SGCZ: variants seen among roughly 807,000 people sequenced by gnomAD.
The protein encoded by SGCZ is zeta-sarcoglycan.
SGCZ carries 40 observed loss-of-function variants against 41.3 expected under a neutral mutation model. The observed-to-expected ratio is 0.97, with a 90% confidence interval of 0.75 to 1.26. The LOEUF (loss-of-function observed/expected upper bound fraction) is 1.26, where lower values mean the gene tolerates loss of function less well. SGCZ is among the 50% of genes most tolerant of loss of function. The probability of loss-of-function intolerance (pLI) is 0.00; values close to 1 mark genes in which losing one functional copy is unlikely to be tolerated. For missense variants in SGCZ, 552 were observed against 369.8 expected, an observed-to-expected ratio of 1.49 and a Z score of -4.04; for synonymous variants, 206 against 137.5, an observed-to-expected ratio of 1.50 and a Z score of -3.49.
At chr8:14,670,680 C>T (rs994982824) in intron 1 of SGCZ, among the ~76,000 whole-genome samples, 3 of 152,160 alleles carry the variant, frequency 2.0e-5, no homozygotes, top group African/African-American at 7.2e-5. Flanking sequence ...ACAGAAATAG[C>T]ACTCTCAATG....
In SGCZ at chr8:14,236,575, G is replaced by T. The variant is rs1585262704; in HGVS notation, c.424+1017C>A. Among the ~76,000 whole-genome samples, 4 of 151,486 alleles carry T rather than the reference G, an allele frequency of 2.6e-5. No individual in the cohort carries two copies. The South Asian group carries it at 8.4e-4, about 32-fold the overall frequency. On this transcript the variant is annotated intron_variant, in intron 4 of 7. Transcript: ENST00000382080. The stretch of plus-strand genomic sequence containing the variant: ...GAAATATACATTTGCATTTAAAGAT[G>T]ATTAATTTCTCATTAAAATAAGAAT...
intron 1 of SGCZ, among the ~76,000 whole-genome samples, chr8:14,937,846 T>C (rs1444931311): frequency 6.6e-6 from 1 of 152,150 alleles, no homozygotes; most frequent in Non-Finnish European, 1.5e-5. Flanking sequence ...CAATCAGGAA[T>C]GTTATAAAGG....
At chr8:14,096,382 C>T (rs145005846) in intron 7 of SGCZ, among the ~76,000 whole-genome samples, 6 of 151,488 alleles carry the variant, frequency 4.0e-5, no homozygotes, top group African/African-American at 9.7e-5. Flanking sequence ...ACAAAAACCA[C>T]GGTTATGTGA....
chr8:15,176,253 T>C (rs1799998725), intron 1 of SGCZ, among the ~76,000 whole-genome samples: 1 of 152,132 alleles, frequency 6.6e-6, no homozygotes, highest in Non-Finnish European at 1.5e-5. Context: ...TCTAGGGAAG[T>C]GTTAACGGAA....
At chr8:14,260,189 C>A (rs1281891892) in intron 3 of SGCZ, among the ~76,000 whole-genome samples, 1 of 151,938 alleles carries the variant, frequency 6.6e-6, no homozygotes, top group East Asian at 1.9e-4. Context: ...ATTTTCGCAA[C>A]CTACTCATCT....
chr8:14,673,406 C>G (rs1808168960), intron 1 of SGCZ, among the ~76,000 whole-genome samples: 1 of 151,628 alleles, frequency 6.6e-6, no homozygotes, highest in Non-Finnish European at 1.5e-5. Context: ...TTCACCTGCT[C>G]TCTCTCGCGC....
chr8:14,341,584 G>T (rs1802707518), intron 2 of SGCZ, among the ~76,000 whole-genome samples: 1 of 151,990 alleles, frequency 6.6e-6, no homozygotes, highest in African/African-American at 2.4e-5. Context: ...TTCTCAAACT[G>T]CTTGCCAACT....
intron 1 of SGCZ, among the ~76,000 whole-genome samples, chr8:14,839,537 G>A (rs1400517984): frequency 6.6e-6 from 1 of 152,128 alleles, no homozygotes; most frequent in Non-Finnish European, 1.5e-5. Context: ...ACTAACATTT[G>A]TTTTACAATA....
chr8:15,156,805 G>A (rs760961334), intron 1 of SGCZ, among the ~76,000 whole-genome samples: 3 of 151,950 alleles, frequency 2.0e-5, no homozygotes, highest in Non-Finnish European at 4.4e-5. Context: ...TTAGCTGAGT[G>A]TGGTGGTGGA....
intron 3 of SGCZ, among the ~76,000 whole-genome samples, chr8:14,281,808 T>G (rs569727175): frequency 6.6e-6 from 1 of 152,100 alleles, no homozygotes; most frequent in Admixed American, 6.6e-5. Flanking sequence ...CTAAGAAATA[T>G]GTGTATGTAT....
chr8:14,473,455 G>T (rs1443418418), intron 2 of SGCZ, among the ~76,000 whole-genome samples: 2 of 151,858 alleles, frequency 1.3e-5, no homozygotes, highest in Non-Finnish European at 2.9e-5. Flanking sequence ...TAAATATTAG[G>T]CAAGAAAGTA....
intron 2 of SGCZ, among the ~76,000 whole-genome samples, chr8:14,351,206 C>T (rs1437822575): frequency 1.3e-5 from 2 of 152,000 alleles, no homozygotes; most frequent in Non-Finnish European, 2.9e-5. Flanking sequence ...CTGGTATTAC[C>T]GGTATTGTAA....
intron 1 of SGCZ, among the ~76,000 whole-genome samples, chr8:14,652,345 A>AGG (rs1554473402): frequency 0.011 from 47 of 4,436 alleles, 1 homozygote; most frequent in African/African-American, 0.016. Flanking sequence ...AAAAAAAAAA[A>AGG]AGGGGGGGGT....
intron 1 of SGCZ, among the ~76,000 whole-genome samples, chr8:14,763,926 G>A (rs1271942616): frequency 6.6e-6 from 1 of 152,212 alleles, no homozygotes; most frequent in Non-Finnish European, 1.5e-5. Context: ...AAGGAACTGT[G>A]TGATGTTGGA....
chr8:14,331,909 T>C (rs1482172321), intron 2 of SGCZ, among the ~76,000 whole-genome samples: 2 of 151,868 alleles, frequency 1.3e-5, no homozygotes, highest in Admixed American at 6.6e-5. Context: ...ATACAGGAAA[T>C]ATGTATCAGG....
At chr8:14,768,857 AGG>A (rs1800132287) in intron 1 of SGCZ, among the ~76,000 whole-genome samples, 1 of 152,100 alleles carries the variant, frequency 6.6e-6, no homozygotes, top group Admixed American at 6.6e-5. Context: ...TCACTGACAA[AGG>A]GTTCATTTAA....
chr8:15,136,127 G>A (rs922582763), intron 1 of SGCZ, among the ~76,000 whole-genome samples: 1 of 151,970 alleles, frequency 6.6e-6, no homozygotes, highest in Non-Finnish European at 1.5e-5. Flanking sequence ...GTTTTAGCTG[G>A]TCCTCAATTT....
intron 1 of SGCZ, among the ~76,000 whole-genome samples, chr8:14,724,937 T>A (rs1003013979): frequency 2.0e-5 from 3 of 152,096 alleles, no homozygotes; most frequent in Non-Finnish European, 4.4e-5. Context: ...TAATACTAGA[T>A]CTTATTCCTT....
chr8:15,146,154 A>C (rs1338895886), intron 1 of SGCZ, among the ~76,000 whole-genome samples: 1 of 152,196 alleles, frequency 6.6e-6, no homozygotes, highest in African/African-American at 2.4e-5. Context: ...AAAAAATTGA[A>C]ATAAATAGTA....
Sources: gnomAD v4.1 joint callset for allele counts (sites outside exome capture counted in the v4.1 genomes callset) on GRCh38, gnomAD v4.1.1 for gene constraint, MANE v1.5 for transcripts, NCBI Gene and HGNC (gene_info 2026-07-23, HGNC 2026-07-21) for gene names.